WWOX: variants seen among roughly 807,000 people sequenced by gnomAD.
WWOX encodes WW domain containing oxidoreductase.
A neutral mutation model predicts 46.2 loss-of-function variants in WWOX; 69 were observed. The ratio of observed to expected loss-of-function variants is 1.49; its 90% CI spans 1.23 to 1.82. WWOX has a LOEUF of 1.82. WWOX is among the 40% of genes most tolerant of loss of function. The pLI, the probability that WWOX is intolerant of heterozygous loss-of-function variation, is 0.00. For synonymous variants in WWOX, 359 were observed against 202.6 expected, an observed-to-expected ratio of 1.77 and a Z score of -6.56; for missense variants, 919 against 542.6, an observed-to-expected ratio of 1.69 and a Z score of -6.89.
intron 8 of WWOX, among the ~76,000 whole-genome samples, chr16:78,571,092 C>T (rs1300964828): frequency 1.3e-5 from 2 of 152,116 alleles, no homozygotes; most frequent in African/African-American, 4.8e-5. Flanking sequence ...TCTTTATCTG[C>T]AATGGGAAAG....
intron 8 of WWOX, among the ~76,000 whole-genome samples, chr16:78,439,804 C>T (rs2083407294): frequency 6.6e-6 from 1 of 152,178 alleles, no homozygotes; most frequent in Admixed American, 6.5e-5. Flanking sequence ...TGAGTAGCTC[C>T]TTTGTGATAA....
chr16:78,740,309 A>T (rs1001720829), intron 8 of WWOX, among the ~76,000 whole-genome samples: 4 of 152,092 alleles, frequency 2.6e-5, no homozygotes, highest in Non-Finnish European at 5.9e-5. Context: ...AAGTGAAATT[A>T]CCCGTCGGGG....
intron 5 of WWOX, among the ~76,000 whole-genome samples, chr16:78,191,638 T>G (rs2035886662): frequency 6.6e-6 from 1 of 152,252 alleles, no homozygotes. Context: ...TAGCTCCAGT[T>G]TGGTGGAATT....
intron 5 of WWOX, among the ~76,000 whole-genome samples, chr16:78,233,865 A>T (rs11648208): frequency 2.0e-5 from 3 of 151,880 alleles, no homozygotes; most frequent in Admixed American, 6.6e-5. Flanking sequence ...AGTATGCCTC[A>T]GTCTCACTAA....
chr16:78,138,307 A>T (rs977930608), intron 4 of WWOX, among the ~76,000 whole-genome samples: 3 of 150,918 alleles, frequency 2.0e-5, no homozygotes, highest in Admixed American at 2.0e-4. Flanking sequence ...GAGCCATGCT[A>T]TGATGCTTGC....
At chr16:78,948,983 A>G (rs1025148150) in intron 8 of WWOX, among the ~76,000 whole-genome samples, 4 of 152,152 alleles carry the variant, frequency 2.6e-5, no homozygotes, top group African/African-American at 9.7e-5. Flanking sequence ...ACTGGCTTTG[A>G]AGATGGAGGG....
chr16:78,340,076 A>G (rs920619042), intron 5 of WWOX, among the ~76,000 whole-genome samples: 1 of 76,610 alleles, frequency 1.3e-5, no homozygotes, highest in Admixed American at 1.8e-4. Context: ...TTCTTGTTTC[A>G]TGGATGATGT....
intron 8 of WWOX, among the ~76,000 whole-genome samples, chr16:78,848,257 C>T (rs969430591): frequency 6.6e-6 from 1 of 152,130 alleles, no homozygotes; most frequent in Non-Finnish European, 1.5e-5. Context: ...CCGTGGGCTC[C>T]CAATCAGTGC....
chr16:78,957,384 T>C (rs917648805), intron 8 of WWOX, among the ~76,000 whole-genome samples: 1 of 152,204 alleles, frequency 6.6e-6, no homozygotes, highest in African/African-American at 2.4e-5. Flanking sequence ...TCCCCCTGTC[T>C]CTCTTTAGTT....
intron 8 of WWOX, among the ~76,000 whole-genome samples, chr16:79,185,920 A>G (rs1375673257): frequency 1.3e-5 from 2 of 152,090 alleles, no homozygotes; most frequent in African/African-American, 4.8e-5. Flanking sequence ...ACGGTAAGGC[A>G]TACATTTAGA....
At chr16:78,808,994 A>C (rs139633012) in intron 8 of WWOX, among the ~76,000 whole-genome samples, 1 of 152,038 alleles carries the variant, frequency 6.6e-6, no homozygotes, top group Non-Finnish European at 1.5e-5. Flanking sequence ...GGACCTGATG[A>C]ATTATTATTC....
At chr16:78,261,776 CTATCTATCTATCTATATATATATA>C (rs1268268842) in intron 5 of WWOX, among the ~76,000 whole-genome samples, 1 of 38,372 alleles carries the variant, frequency 2.6e-5, no homozygotes, top group African/African-American at 1.8e-4. Context: ...ATCTATGTAT[CTATCTATCTATCTATATATATATA>C]TATATATATA....
At chr16:78,948,089 T>C (rs1057033106) in intron 8 of WWOX, among the ~76,000 whole-genome samples, 1 of 152,182 alleles carries the variant, frequency 6.6e-6, no homozygotes, top group Non-Finnish European at 1.5e-5. Context: ...TTCAACTCCA[T>C]CCGTGCAGCT....
chr16:79,128,032 A>T (rs1451175900), intron 8 of WWOX, among the ~76,000 whole-genome samples: 3 of 152,186 alleles, frequency 2.0e-5, no homozygotes, highest in Admixed American at 2.0e-4. Context: ...GAGTGACTGG[A>T]TGTGAGGAAT....
chr16:78,614,771 G>T (rs913277522), intron 8 of WWOX, among the ~76,000 whole-genome samples: 1 of 152,144 alleles, frequency 6.6e-6, no homozygotes, highest in African/African-American at 2.4e-5. Flanking sequence ...TGACAGAGTT[G>T]TCTTTTTGTT....
chr16:78,851,423 T>C (rs2052440233), intron 8 of WWOX, among the ~76,000 whole-genome samples: 1 of 152,226 alleles, frequency 6.6e-6, no homozygotes, highest in African/African-American at 2.4e-5. Flanking sequence ...CCAAGTGACA[T>C]TGTAAGTTAT....
At chr16:78,927,971 G>T (rs1315956684) in intron 8 of WWOX, among the ~76,000 whole-genome samples, 2 of 151,538 alleles carry the variant, frequency 1.3e-5, no homozygotes, top group African/African-American at 4.9e-5. Flanking sequence ...ACAATCTCAG[G>T]GTTTTTGTGT....
At chr16:78,246,618 G>A (rs2037823725) in intron 5 of WWOX, among the ~76,000 whole-genome samples, 1 of 152,168 alleles carries the variant, frequency 6.6e-6, no homozygotes, top group African/African-American at 2.4e-5. Context: ...GCAGAGTCAG[G>A]GAACAAGATG....
intron 5 of WWOX, among the ~76,000 whole-genome samples, chr16:78,351,869 C>G (rs982693103): frequency 6.6e-6 from 1 of 152,204 alleles, no homozygotes; most frequent in Non-Finnish European, 1.5e-5. Context: ...GTTGGCCAGG[C>G]TGGTCTCAAA....
Sources: allele counts gnomAD v4.1 joint callset (sites outside exome capture counted in the v4.1 genomes callset), GRCh38; gene constraint gnomAD v4.1.1; transcripts MANE v1.5; gene names NCBI Gene and HGNC (gene_info 2026-07-23, HGNC 2026-07-21).